The following SHBG variants were observed in gnomAD, a reference collection of about 807,000 sequenced individuals.
SHBG encodes sex hormone-binding globulin.
SHBG carries 37 observed loss-of-function variants against 41.9 expected under a neutral mutation model. The observed-to-expected ratio is 0.88, with a 90% CI of 0.68 to 1.16. SHBG has a LOEUF of 1.16. SHBG is among the 50% of genes most tolerant of loss of function. The probability of loss-of-function intolerance (pLI) is 0.00; values close to 1 mark genes in which losing one functional copy is unlikely to be tolerated. For missense variants in SHBG, 466 were observed against 499.9 expected (o/e 0.93, Z 0.65); for synonymous variants, 217 against 205.8 (o/e 1.05, Z -0.47).
intron 1 of SHBG, among the ~76,000 whole-genome samples, chr17:7,620,853 A>T (rs2072079739): frequency 6.6e-6 from 1 of 151,790 alleles, no homozygotes; most frequent in Admixed American, 6.6e-5. Flanking sequence ...CTGGTCGCGA[A>T]CTCCTGACCT....
chr17:7,623,088 G>A (rs1212922813), upstream of SHBG, among the ~76,000 whole-genome samples: 1 of 150,174 alleles, frequency 6.7e-6, no homozygotes. Context: ...CAAGATGGGG[G>A]CAAGATAAAT....
chr17:7,617,507 G>A (rs2072015166), intron 1 of SHBG, among the ~76,000 whole-genome samples: 1 of 152,054 alleles, frequency 6.6e-6, no homozygotes, highest in African/African-American at 2.4e-5. Flanking sequence ...GGAGACTGAG[G>A]CAGGAGAATC....
At chr17:7,616,942 A>C (rs1427908502) in intron 1 of SHBG, among the ~76,000 whole-genome samples, 1 of 152,158 alleles carries the variant, frequency 6.6e-6, no homozygotes, top group Non-Finnish European at 1.5e-5. Flanking sequence ...GTCTCAAAAA[A>C]TAGTAATAAT....
In SHBG at chr17:7,632,881, C is replaced by T. The variant is rs1394454614; in HGVS notation, c.982C>T (p.Leu328=). The change falls in exon 7 of 8, where the codon CTG becomes TTG. Residue 328 remains leucine, a synonymous_variant. Transcript: ENST00000380450. ...SQGSKMKALA[L]PPLGLAPLLN... ...AGGGTCGAAGATGAAGGCCCTTGCC[C>T]TGCCTCCCTTAGGCCTGGCTCCCCT... 2 of 1,614,054 alleles carry T rather than the reference C, an allele frequency of 1.2e-6. No homozygotes were observed. Among genetic ancestry groups the T allele is most frequent in the Non-Finnish European group, 1.7e-6 (2 of 1,180,034 alleles).
chr17:7,627,471 C>T, upstream of SHBG: 1 of 1,609,818 alleles, frequency 6.2e-7, no homozygotes, highest in Non-Finnish European at 8.5e-7. The surrounding 1 kb of genome is among the most constrained non-coding windows in gnomAD (Gnocchi z 4.8). Flanking sequence ...GCTCCCCGAG[C>T]AGGTTCCCAA....
chr17:7,617,590 G>A lies in SHBG; in HGVS notation c.-62+3479G>A, dbSNP rs911023940. 2.6e-5 allele frequency among the ~76,000 whole-genome samples: 4 copies of A among 151,954 alleles called. No individual in the cohort carries two copies. In the South Asian group the frequency reaches 6.2e-4, roughly 24 times the overall value. On this transcript the variant is annotated intron_variant, in intron 1 of 5. Transcript: ENST00000570547. ...TGCACTCCAGCCTGGGTGACAGAGC[G>A]AGACTCCATCTCAAAAAATTAAAAT...
intron 1 of SHBG, among the ~76,000 whole-genome samples, chr17:7,620,568 G>C (rs1376070739): frequency 6.6e-6 from 1 of 151,872 alleles, no homozygotes; most frequent in African/African-American, 2.4e-5. Context: ...TGATCCACCC[G>C]CCTCAGCCTT....
At chr17:7,626,794 C>A (rs753509426), upstream of SHBG, 1 of 1,614,062 alleles carries the variant, frequency 6.2e-7, no homozygotes. Flanking sequence ...ATCCCTTGAC[C>A]TGTTGTGGAG....
chr17:7,626,783 A>G (rs370150762), upstream of SHBG: 61 of 1,614,082 alleles, frequency 3.8e-5, no homozygotes, highest in Non-Finnish European at 4.9e-5. Context: ...TTTTGGAACC[A>G]ATCCCTTGAC....
chr17:7,633,048 G>C (rs952578730), intron 7 of SHBG, 89 bp downstream of exon 7: 1 of 1,435,632 alleles, frequency 7.0e-7, no homozygotes, highest in African/African-American at 1.4e-5. Flanking sequence ...GAAACCTCTG[G>C]GAGGGAAGAA....
Position 7,632,881 on chromosome 17 carries a change from C to G in SHBG, c.982C>G (p.Leu328Val). 6.2e-7 allele frequency: 1 copy of G among 1,614,172 alleles called. No individual in the cohort carries two copies. The highest frequency in any genetic ancestry group is 8.5e-7 in the Non-Finnish European group (1 of 1,180,026). Residue 328 changes from leucine to valine, a missense_variant, in exon 7 of 8, where the codon CTG becomes GTG. Leu to Val is a conservative substitution (Grantham distance 32, BLOSUM62 1). Transcript: ENST00000380450. ...SQGSKMKALA[L>V]PPLGLAPLLN... ...AGGGTCGAAGATGAAGGCCCTTGCC[C>G]TGCCTCCCTTAGGCCTGGCTCCCCT...
upstream of SHBG, chr17:7,627,443 G>C (rs751879508): frequency 6.2e-7 from 1 of 1,613,552 alleles, no homozygotes; most frequent in Non-Finnish European, 8.5e-7. The surrounding 1 kb of genome is among the most constrained non-coding windows in gnomAD (Gnocchi z 4.8). Context: ...AGCTAGATTA[G>C]AGCAGAAGGG....
chr17:7,620,310 T>A (rs1023122383), intron 1 of SHBG, among the ~76,000 whole-genome samples: 5 of 151,752 alleles, frequency 3.3e-5, no homozygotes, highest in Admixed American at 2.6e-4. Context: ...CAATAAAAAA[T>A]TTGTTGTTTG....
intron 1 of SHBG, among the ~76,000 whole-genome samples, chr17:7,621,094 C>CAA (rs61026446): frequency 0.01 from 530 of 52,298 alleles, 51 homozygotes; most frequent in Admixed American, 0.016. Flanking sequence ...GACCCTGTCA[C>CAA]AAAAAAAAAA....
At chr17:7,617,486 C>G (rs1415284757) in intron 1 of SHBG, among the ~76,000 whole-genome samples, 1 of 151,904 alleles carries the variant, frequency 6.6e-6, no homozygotes, top group African/African-American at 2.4e-5. Context: ...GCTTGTAGTC[C>G]CAGCTACTCG....
upstream of SHBG, chr17:7,626,189 C>CA (rs370938874): frequency 0.021 from 4,960 of 233,060 alleles, 14 homozygotes; most frequent in South Asian, 0.032. Flanking sequence ...GACTCTGTCT[C>CA]AAAAAAAAAA....
intron 1 of SHBG, among the ~76,000 whole-genome samples, chr17:7,622,534 A>C (rs1358021480): frequency 1.3e-5 from 2 of 151,896 alleles, no homozygotes; most frequent in Non-Finnish European, 2.9e-5. Flanking sequence ...TGGCCTCCCA[A>C]AGTGCTGGGA....
At chr17:7,620,429 G>A (rs2072070579) in intron 1 of SHBG, among the ~76,000 whole-genome samples, 2 of 152,144 alleles carry the variant, frequency 1.3e-5, no homozygotes, top group African/African-American at 4.8e-5. Context: ...AGATCCTCCT[G>A]CCTGAGCCTC....
intron 6 of SHBG, among the ~76,000 whole-genome samples, 166 bp from the exon 7 acceptor site, chr17:7,632,586 G>A (rs115957506): frequency 4.5e-4 from 69 of 152,260 alleles, no homozygotes; most frequent in African/African-American, 1.3e-3. Context: ...TTTCAAAAAG[G>A]GTCAAGCCAA....
Sources: allele counts gnomAD v4.1 joint callset (sites outside exome capture counted in the v4.1 genomes callset), GRCh38; gene constraint gnomAD v4.1.1; non-coding constraint Gnocchi (gnomAD v3.1); transcripts MANE v1.5; gene names NCBI Gene and HGNC (gene_info 2026-07-23, HGNC 2026-07-21).